The following CLUH variants were observed in gnomAD, a reference collection of about 807,000 sequenced individuals.
CLUH encodes the protein CLUH binding protein of NUMT mRNA.
In CLUH, 77 loss-of-function variants were observed where a neutral mutation model predicts 139.3. That is an observed-to-expected ratio of 0.55 (90% CI 0.46 to 0.67). The LOEUF (loss-of-function observed/expected upper bound fraction) is 0.67, where lower values mean the gene tolerates loss of function less well. CLUH is among the 30% of genes least tolerant of loss of function. The probability of loss-of-function intolerance (pLI) is 0.00; values close to 1 mark genes in which losing one functional copy is unlikely to be tolerated. For synonymous variants in CLUH, 999 were observed against 801.6 expected, an observed-to-expected ratio of 1.25 and a Z score of -4.16; for missense variants, 1,876 against 1,875.8, an observed-to-expected ratio of 1.00 and a Z score of 0.00.
intron 9 of CLUH, among the ~76,000 whole-genome samples, chr17:2,699,466 A>G (rs2070097360): frequency 6.6e-6 from 1 of 151,844 alleles, no homozygotes; most frequent in Non-Finnish European, 1.5e-5. Flanking sequence ...AGCTGGGACT[A>G]CAGGCACATG....
At position 2,696,257 on chromosome 17, in the gene CLUH, C is replaced by G; in HGVS notation, c.2293G>C (p.Val765Leu). Residue 765 changes from valine to leucine, a missense_variant and splice_region_variant, in exon 13 of 26, where the codon GTT (valine) becomes CTT (leucine). Around this residue, in one of 3 missense-constraint regions of CLUH, gnomAD observed 1,454 missense variants for 1,384.4 expected, o/e 1.05. Coordinates refer to ENST00000651024, the MANE Select transcript of CLUH (RefSeq NM_001366661.1). ...TCCTGGCAGGACTCAGGGAAACGAA[C>G]CCCTGGAGGAGGGAGAGCAGAGAGG... ...RFNPDIFSPG[V>L]RFPESCQDEV... The G allele has an allele frequency of 6.4e-7, 1 of 1,571,060 alleles. No individual in the cohort carries two copies.
At position 2,698,376 on chromosome 17, in the gene CLUH, ACGCCATTCAGGTCGTTGGTGGG is replaced by A. The variant is rs766878728; in HGVS notation, c.1459_1480del (p.Pro487SerfsTer166). On this transcript the variant is annotated frameshift_variant, in exon 10 of 26. Transcript: ENST00000651024. LOFTEE classifies it high-confidence loss of function. ...CACGTCCACCGCGTTGTACGTGCGG[ACGCCATTCAGGTCGTTGGTGGG>A]CGCCACGTAGGCCGCCACGTCCCCC... 1 of 1,612,862 alleles carries A rather than the reference ACGCCATTCAGGTCGTTGGTGGG, an allele frequency of 6.2e-7. No homozygotes were observed. Among genetic ancestry groups the A allele is most frequent in the South Asian group, 1.1e-5 (1 of 91,016 alleles).
chr17:2,705,577 A>G (rs2151721587), intron 1 of CLUH, among the ~76,000 whole-genome samples: 1 of 152,228 alleles, frequency 6.6e-6, no homozygotes, highest in South Asian at 2.1e-4. Context: ...AAGGCCTAGG[A>G]GAAATAAACC....
chr17:2,703,075 C>T lies in CLUH; in HGVS notation c.475+243G>A, dbSNP rs1438085415. Among the ~76,000 whole-genome samples, 1 of 152,230 alleles carries T rather than the reference C, an allele frequency of 6.6e-6. No homozygotes were observed. Among genetic ancestry groups the T allele is most frequent in the Non-Finnish European group, 1.5e-5 (1 of 68,040 alleles). ...TCCTGACCTCAGGTGATCCACACGC[C>T]TTGGCCTCCCAAAGTGTTGGGATTA... On this transcript the variant is annotated intron_variant, in intron 3 of 25. Transcript: ENST00000651024. This position sits in a 1 kb window ranked among gnomAD's most constrained non-coding sequence, Gnocchi z 4.2.
Position 2,704,379 on chromosome 17 carries a change from C to G in CLUH, c.286G>C (p.Glu96Gln). ...FSVKILAPGI[E>Q]PFSLQVSPQE... ...CATCTTACCTGCAGGGAGAAGGGCT[C>G]GATCCCAGGGGCGAGGATCTTCACA... is the stretch of plus-strand genomic sequence containing the variant. The change falls in exon 2 of 26, where the codon GAG becomes CAG. Residue 96 changes from glutamate to glutamine, a missense_variant. By Grantham distance (29) the Glu-to-Gln change is conservative. Transcript: ENST00000651024. The surrounding 1 kb of genome is among the most constrained non-coding windows in gnomAD (Gnocchi z 5.7). The G allele has an allele frequency of 1.2e-6, 2 of 1,611,006 alleles. No individual in the cohort carries two copies. Among genetic ancestry groups the G allele is most frequent in the Non-Finnish European group, 1.7e-6 (2 of 1,178,750 alleles).
intron 16 of CLUH, 35 bp downstream of exon 16, chr17:2,694,822 T>C: frequency 9.5e-4 from 1,280 of 1,344,932 alleles, no homozygotes; most frequent in Non-Finnish European, 1.2e-3. Flanking sequence ...ATCTGCCCAA[T>C]CCCACCCACC....
Position 2,690,423 on chromosome 17 carries a change from C to T in CLUH, c.*171G>A, listed in dbSNP as rs963957957. 4.0e-6 allele frequency: 2 copies of T among 504,212 alleles called. No homozygotes were observed. Among genetic ancestry groups the T allele is most frequent in the Non-Finnish European group, 6.6e-6 (2 of 304,486 alleles). The allele number at this position is 504,212 out of a possible 1,614,324, so 31.2% of individuals were successfully genotyped here. Reference sequence around the variant, plus strand: ...ATTCATTGAACCAGCGCAAAAACACCTTCTGCGGGGCAGGCAGGCCAGGCT... The same window carrying T: ...ATTCATTGAACCAGCGCAAAAACACTTTCTGCGGGGCAGGCAGGCCAGGCT... On this transcript the variant is annotated 3_prime_UTR_variant, in exon 26 of 26. Transcript: ENST00000651024.
At position 2,693,910 on chromosome 17, in the gene CLUH, T is replaced by C. The variant is rs1270137266; in HGVS notation, c.3221A>G (p.Asp1074Gly). The change falls in exon 19 of 26, where the codon GAC (aspartate) becomes GGC (glycine). Residue 1074 changes from aspartate (D) to glycine (G), a missense_variant. Physicochemically the swap from Asp to Gly is moderately conservative, Grantham distance 94 (BLOSUM62 -1). Transcript: ENST00000651024. ...CAGCCCAGAGGGTACCTCTGCGTAG[T>C]CGCCCATGATGTAGTGGAGGCGGGC... is the stretch of plus-strand genomic sequence containing the variant. The part of the protein sequence containing the change: ...LLARLHYIMG[D>G]YAEALSNQQK... 2 of 1,612,294 alleles carry C rather than the reference T, an allele frequency of 1.2e-6. No homozygotes were observed. The highest frequency in any genetic ancestry group is 1.7e-6 in the Non-Finnish European group (2 of 1,179,236).
chr17:2,692,653 G>C lies in CLUH; in HGVS notation c.3356C>G (p.Thr1119Ser), dbSNP rs1370284805. ...LYCFASSQLS[T>S]ALSLLYRARY... ...GGCGCGGTACAGCAGGCTCAGGGCGGTGGACAGCTGGCTGCTGGCGAAGCA... is the reference window on the plus strand; with the variant it reads ...GGCGCGGTACAGCAGGCTCAGGGCGCTGGACAGCTGGCTGCTGGCGAAGCA... Residue 1119 changes from threonine (T) to serine (S), a missense_variant, in exon 21 of 26, where the codon ACC becomes AGC. By Grantham distance (58) the Thr-to-Ser change is moderately conservative (BLOSUM62 1). Around this residue, in one of 3 missense-constraint regions of CLUH, gnomAD observed 1,454 missense variants for 1,384.4 expected, o/e 1.05. Coordinates refer to ENST00000651024, the MANE Select transcript of CLUH (RefSeq NM_001366661.1). 3 of 1,612,586 alleles carry C rather than the reference G, an allele frequency of 1.9e-6. No individual in the cohort carries two copies. Among genetic ancestry groups the C allele is most frequent in the Admixed American group, 1.7e-5 (1 of 59,944 alleles).
intron 1 of CLUH, chr17:2,710,907 C>T (rs2070495727): frequency 6.6e-6 from 1 of 152,560 alleles, no homozygotes; most frequent in African/African-American, 2.4e-5. Context: ...TTGGCTCTGC[C>T]CCATGCAAAG....
At chr17:2,705,489 G>A (rs180701340) in intron 1 of CLUH, among the ~76,000 whole-genome samples, 55 of 151,786 alleles carry the variant, frequency 3.6e-4, no homozygotes, top group Non-Finnish European at 5.6e-4. Flanking sequence ...CCCTCCCACC[G>A]CCCTCCCACC....
At chr17:2,708,652 C>T (rs142211430) in intron 1 of CLUH, among the ~76,000 whole-genome samples, 186 of 152,220 alleles carry the variant, frequency 1.2e-3, no homozygotes, top group African/African-American at 3.9e-3. Flanking sequence ...GAGTGTCAGA[C>T]GCCCAAGCCC....
intron 10 of CLUH, among the ~76,000 whole-genome samples, chr17:2,697,184 G>C (rs903469233): frequency 6.6e-6 from 1 of 152,212 alleles, no homozygotes; most frequent in Non-Finnish European, 1.5e-5. Flanking sequence ...GATCACTTGA[G>C]GTTGGGAGTT....
At chr17:2,699,140 G>A (rs2070085439) in intron 9 of CLUH, among the ~76,000 whole-genome samples, 1 of 151,998 alleles carries the variant, frequency 6.6e-6, no homozygotes, top group South Asian at 2.1e-4. Flanking sequence ...AGCGTGCGCA[G>A]GTTTGGGATC....
chr17:2,696,056 G>A, intron 13 of CLUH, 103 bp downstream of exon 13: 1 of 948,140 alleles, frequency 1.1e-6, no homozygotes, highest in Non-Finnish European at 1.6e-6. Flanking sequence ...AGCTGAAAAA[G>A]TCACTCCTGC....
intron 17 of CLUH, 65 bp from the exon 18 acceptor site, chr17:2,694,341 A>G: frequency 6.5e-7 from 1 of 1,535,536 alleles, no homozygotes. Context: ...GCACCTCCCA[A>G]CCCACCAACG....
chr17:2,699,693 G>A (rs1320752343), intron 9 of CLUH, among the ~76,000 whole-genome samples: 2 of 150,054 alleles, frequency 1.3e-5, no homozygotes, highest in South Asian at 4.2e-4. Context: ...GTGCAGTGAT[G>A]CAATTTCGGC....
chr17:2,700,428 C>A lies in CLUH; in HGVS notation c.1220G>T (p.Arg407Leu), dbSNP rs774872170. Residue 407 changes from arginine (R) to leucine (L), a missense_variant, in exon 9 of 26, where the codon CGC becomes CTC. Physicochemically the swap from Arg to Leu is moderately radical, Grantham distance 102. Transcript: ENST00000651024. ...GAGCAGCCGCTCAGGCAGGTTCTTG[C>A]GAGGCAGCTCCCTCGTCGTCTGCAG... The part of the protein sequence containing the change: ...EELQTTRELP[R>L]KNLPERLLRE... 2 of 1,613,316 alleles carry A rather than the reference C, an allele frequency of 1.2e-6. No homozygotes were observed. The highest frequency in any genetic ancestry group is 2.2e-5 in the South Asian group (2 of 90,956).
In CLUH at chr17:2,694,555, C is replaced by G. The variant is rs2069850920; in HGVS notation, c.2862G>C (p.Val954=). ...YFDFDLECET[V]DQAVETYGLQ... ...GGCCGTAGGTCTCCACAGCCTGGTCCACGGTCTCACTGAGGAGGGAGCAGG... is the reference window on the plus strand; with the variant it reads ...GGCCGTAGGTCTCCACAGCCTGGTCGACGGTCTCACTGAGGAGGGAGCAGG... Residue 954 remains valine (V), a synonymous_variant, in exon 17 of 26, where the codon GTG becomes GTC. Coordinates refer to ENST00000651024, the MANE Select transcript of CLUH (RefSeq NM_001366661.1). 6.3e-7 allele frequency: 1 copy of G among 1,576,678 alleles called. No individual in the cohort carries two copies. Among genetic ancestry groups the G allele is most frequent in the African/African-American group, 1.3e-5 (1 of 74,290 alleles).
Sources: gnomAD v4.1 joint callset for allele counts (sites outside exome capture counted in the v4.1 genomes callset) on GRCh38, gnomAD v4.1.1 for gene constraint, gnomAD v4.1.1 regional missense constraint, Gnocchi (gnomAD v3.1) non-coding constraint, MANE v1.5 for transcripts, NCBI Gene and HGNC (gene_info 2026-07-23, HGNC 2026-07-21) for gene names.